ERC2: variants seen among roughly 807,000 people sequenced by gnomAD.
ERC2 encodes ERC protein 2.
Under a neutral mutation model 114.8 loss-of-function variants are expected in ERC2, and 42 were observed. The observed-to-expected ratio is 0.37, with a 90% CI of 0.29 to 0.47. ERC2 has a LOEUF of 0.47. ERC2 is among the 20% of genes least tolerant of loss of function. The probability of loss-of-function intolerance (pLI) is 0.99; values close to 1 mark genes in which losing one functional copy is unlikely to be tolerated. For missense variants in ERC2, 939 were observed against 1,150.7 expected (o/e 0.82, Z 2.66); for synonymous variants, 454 against 425.5 (o/e 1.07, Z -0.82).
At chr3:56,440,767 T>C (rs1038883607) in intron 1 of ERC2, among the ~76,000 whole-genome samples, 21 of 152,228 alleles carry the variant, frequency 1.4e-4, no homozygotes, top group Admixed American at 1.4e-3. Context: ...TCAAACTATA[T>C]AAAGACTATA....
intron 14 of ERC2, among the ~76,000 whole-genome samples, chr3:55,825,650 A>G (rs2060296006): frequency 6.6e-6 from 1 of 152,286 alleles, no homozygotes; most frequent in South Asian, 2.1e-4. Context: ...ACCATTATTA[A>G]TGTATAATCA....
At chr3:56,108,613 A>G (rs969082458) in intron 6 of ERC2, among the ~76,000 whole-genome samples, 1 of 152,210 alleles carries the variant, frequency 6.6e-6, no homozygotes, top group East Asian at 1.9e-4. Flanking sequence ...AATAATTGAC[A>G]GTATATCATA....
chr3:55,818,622 C>G (rs59480574), intron 14 of ERC2, among the ~76,000 whole-genome samples: 3,669 of 152,308 alleles, frequency 0.024, 82 homozygotes, highest in South Asian at 0.086. Context: ...ACCTAACTAT[C>G]TTGACTTTGT....
intron 2 of ERC2, among the ~76,000 whole-genome samples, chr3:56,411,285 C>T (rs774601446): frequency 1.3e-5 from 2 of 151,630 alleles, no homozygotes; most frequent in South Asian, 4.2e-4. Context: ...TTAACGCCTC[C>T]TCCATGAGCA....
At chr3:55,832,371 C>G (rs1304505675) in intron 14 of ERC2, among the ~76,000 whole-genome samples, 1 of 152,222 alleles carries the variant, frequency 6.6e-6, no homozygotes, top group Non-Finnish European at 1.5e-5. Flanking sequence ...TAGGGGCAGA[C>G]TGACACTTCA....
intron 14 of ERC2, among the ~76,000 whole-genome samples, chr3:55,772,255 G>C (rs894994772): frequency 1.3e-5 from 2 of 152,032 alleles, no homozygotes; most frequent in African/African-American, 4.8e-5. Flanking sequence ...CAATTCTCCT[G>C]TCTCAGCCTC....
chr3:56,216,877 C>A (rs545567877), intron 3 of ERC2, among the ~76,000 whole-genome samples: 33 of 152,252 alleles, frequency 2.2e-4, no homozygotes, highest in African/African-American at 7.5e-4. Flanking sequence ...ATAAACAGAA[C>A]CAAAGACAAA....
chr3:55,613,931 C>T (rs996681878), intron 17 of ERC2, among the ~76,000 whole-genome samples: 1 of 127,432 alleles, frequency 7.8e-6, no homozygotes, highest in Non-Finnish European at 1.6e-5. Flanking sequence ...TGCAGTAAGC[C>T]AGGATCGTGC....
Position 55,821,533 on chromosome 3 carries a change from T to C in ERC2, c.2564+66856A>G, listed in dbSNP as rs572119699. ...CATTACATATTAACCTGTGTTGAGATTGAAACAGAAGATTCACAGTGATGC... is the reference window on the plus strand; with the variant it reads ...CATTACATATTAACCTGTGTTGAGACTGAAACAGAAGATTCACAGTGATGC... On this transcript the variant is annotated intron_variant, in intron 14 of 17. Coordinates refer to ENST00000288221, the MANE Select transcript of ERC2 (RefSeq NM_015576.3). Among the ~76,000 whole-genome samples, 143 of 152,332 alleles carry C rather than the reference T, an allele frequency of 9.4e-4. 2 individuals carry two copies. The highest frequency in any genetic ancestry group is 3.2e-3 in the African/African-American group (131 of 41,566).
intron 14 of ERC2, among the ~76,000 whole-genome samples, chr3:55,797,401 A>G (rs565402433): frequency 2.0e-5 from 3 of 152,320 alleles, no homozygotes; most frequent in African/African-American, 7.2e-5. Flanking sequence ...AAGCCCTGAT[A>G]AACCAGGATT....
chr3:55,756,697 A>T (rs1283075952), intron 14 of ERC2, among the ~76,000 whole-genome samples: 2 of 152,214 alleles, frequency 1.3e-5, no homozygotes, highest in Non-Finnish European at 2.9e-5. Context: ...AAGGGGCACC[A>T]ACAACTGTCT....
intron 15 of ERC2, among the ~76,000 whole-genome samples, chr3:55,708,862 G>GGA (rs34567802): frequency 6.7e-6 from 1 of 149,864 alleles, no homozygotes; most frequent in African/African-American, 2.5e-5. Context: ...AAGAGAAAGA[G>GGA]GAGAGAGAGA....
chr3:55,718,574 T>C (rs1313942687), intron 15 of ERC2, among the ~76,000 whole-genome samples: 4 of 152,302 alleles, frequency 2.6e-5, no homozygotes, highest in East Asian at 3.9e-4. Flanking sequence ...TAAATGTGGG[T>C]GACCTGGTAA....
intron 10 of ERC2, among the ~76,000 whole-genome samples, chr3:56,000,005 T>G (rs1218321112): frequency 6.6e-6 from 1 of 151,786 alleles, no homozygotes; most frequent in East Asian, 1.9e-4. Context: ...ATTAAAATTT[T>G]GACCCAACAA....
intron 13 of ERC2, among the ~76,000 whole-genome samples, chr3:55,898,289 G>A (rs2063938163): frequency 1.3e-5 from 2 of 152,084 alleles, no homozygotes; most frequent in African/African-American, 4.8e-5. Context: ...TGTGGTGTAG[G>A]GGTATATCTC....
chr3:55,775,215 A>G (rs1414883632), intron 14 of ERC2, among the ~76,000 whole-genome samples: 3 of 152,122 alleles, frequency 2.0e-5, no homozygotes, highest in Non-Finnish European at 4.4e-5. Flanking sequence ...ATGATGATAA[A>G]GACATGAGAG....
At chr3:55,768,059 C>CT (rs2067939802) in intron 14 of ERC2, among the ~76,000 whole-genome samples, 1 of 152,182 alleles carries the variant, frequency 6.6e-6, no homozygotes, top group African/African-American at 2.4e-5. Context: ...TCTCTTCCTC[C>CT]TTTTTCTGGC....
At chr3:55,984,301 A>C (rs1009985309) in intron 12 of ERC2, among the ~76,000 whole-genome samples, 7 of 152,026 alleles carry the variant, frequency 4.6e-5, no homozygotes, top group Non-Finnish European at 1.0e-4. Flanking sequence ...GAAAAAAAAA[A>C]CAAAAAAACT....
chr3:55,653,564 AGTGTGTGTGTGTGTGTGTGTGT>A lies in ERC2; in HGVS notation c.*39+30208_*39+30229del, dbSNP rs36231107. ...ATAGAACAATCTCAAACCTGGTAAA[AGTGTGTGTGTGTGTGTGTGTGT>A]GTGTGTGTGTGTGTGTGTGTGTGTG... On this transcript the variant is annotated intron_variant, in intron 17 of 17. Transcript: ENST00000288221. Among the ~76,000 whole-genome samples the A allele has an allele frequency of 8.2e-4, 116 of 141,250 alleles. 1 individual carries two copies. The highest frequency in any genetic ancestry group is 1.6e-3 in the African/African-American group (62 of 38,118). The allele number at this position is 141,250 out of a possible 152,430, so 92.7% of individuals were successfully genotyped here. A position where few individuals can be genotyped will look rare whatever the true frequency, so the allele number is the denominator to read the frequency against.
Sources: gnomAD v4.1 joint callset for allele counts (sites outside exome capture counted in the v4.1 genomes callset) on GRCh38, gnomAD v4.1.1 for gene constraint, MANE v1.5 for transcripts, NCBI Gene and HGNC (gene_info 2026-07-23, HGNC 2026-07-21) for gene names.